The following OPCML variants were observed in gnomAD, a reference collection of about 807,000 sequenced individuals.
OPCML encodes opioid-binding protein/cell adhesion molecule.
OPCML carries 13 observed loss-of-function variants against 37.8 expected under a neutral mutation model. The observed-to-expected ratio is 0.34, with a 90% confidence interval of 0.22 to 0.55. The LOEUF (loss-of-function observed/expected upper bound fraction) is 0.55, where lower values mean the gene tolerates loss of function less well. Ranked by LOEUF, OPCML falls within the 20% of genes least tolerant of loss-of-function variation. OPCML has a pLI of 0.91. For missense variants in OPCML, 341 were observed against 435.6 expected (o/e 0.78, Z 1.93); for synonymous variants, 176 against 168.8 (o/e 1.04, Z -0.33).
intron 2 of OPCML, among the ~76,000 whole-genome samples, chr11:132,773,874 A>G (rs916630894): frequency 2.0e-5 from 3 of 152,168 alleles, no homozygotes; most frequent in Non-Finnish European, 4.4e-5. Context: ...CATACTTAGA[A>G]ACAACTCTAT....
chr11:132,778,656 C>G (rs932761146), intron 2 of OPCML, among the ~76,000 whole-genome samples: 3 of 152,032 alleles, frequency 2.0e-5, no homozygotes, highest in Non-Finnish European at 2.9e-5. Flanking sequence ...AATTTTCTCT[C>G]TAGGACACCA....
At chr11:132,649,135 CGTGA>C (rs1221373228) in intron 3 of OPCML, among the ~76,000 whole-genome samples, 4 of 151,904 alleles carry the variant, frequency 2.6e-5, no homozygotes, top group Admixed American at 1.3e-4. Context: ...TGTGTGAGTG[CGTGA>C]GTATGTCTGT....
intron 1 of OPCML, among the ~76,000 whole-genome samples, chr11:133,121,257 A>C (rs2137115520): frequency 6.6e-6 from 1 of 152,294 alleles, no homozygotes; most frequent in Non-Finnish European, 1.5e-5. Flanking sequence ...TACCTAGCAA[A>C]CCATAGCATT....
chr11:133,176,291 T>G (rs938681989), intron 1 of OPCML, among the ~76,000 whole-genome samples: 7 of 151,550 alleles, frequency 4.6e-5, no homozygotes, highest in Non-Finnish European at 8.8e-5. Flanking sequence ...CATGAGGTAA[T>G]GAGGCTGCAT....
At chr11:132,908,990 C>T (rs551613637) in intron 2 of OPCML, among the ~76,000 whole-genome samples, 177 of 152,282 alleles carry the variant, frequency 1.2e-3, no homozygotes, top group African/African-American at 3.9e-3. Context: ...CCCGGAAGAG[C>T]GTCGCTCAGG....
chr11:133,527,096 C>T (rs1948506217), intron 1 of OPCML, among the ~76,000 whole-genome samples: 7 of 152,246 alleles, frequency 4.6e-5, no homozygotes, highest in Admixed American at 4.6e-4. Context: ...GCAAACAGGG[C>T]TGCAGGCTGA....
At chr11:132,524,741 G>A (rs533671861) in intron 4 of OPCML, among the ~76,000 whole-genome samples, 1 of 152,292 alleles carries the variant, frequency 6.6e-6, no homozygotes, top group Non-Finnish European at 1.5e-5. Context: ...GGAGATGAGA[G>A]GTCGACAGGG....
intron 1 of OPCML, among the ~76,000 whole-genome samples, chr11:133,082,397 C>G (rs1367502252): frequency 7.3e-6 from 1 of 137,928 alleles, no homozygotes; most frequent in Non-Finnish European, 1.6e-5. Flanking sequence ...TTCCCCTCCC[C>G]CGCACCCCTC....
chr11:133,472,151 C>T (rs374247328), intron 1 of OPCML, among the ~76,000 whole-genome samples: 82 of 152,102 alleles, frequency 5.4e-4, no homozygotes, highest in African/African-American at 1.9e-3. Flanking sequence ...AGATGAAGCT[C>T]TTTTAGTTGC....
At chr11:133,082,609 T>TCCCCTCCTCTCCTCCTCA (rs1241288797) in intron 1 of OPCML, among the ~76,000 whole-genome samples, 1 of 52,376 alleles carries the variant, frequency 1.9e-5, no homozygotes, top group Non-Finnish European at 3.9e-5. Context: ...CCATCCCCCT[T>TCCCCTCCTCTCCTCCTCA]TCCCCTCTTA....
chr11:133,039,669 G>A (rs966990677), intron 1 of OPCML, among the ~76,000 whole-genome samples: 7 of 152,140 alleles, frequency 4.6e-5, no homozygotes, highest in Admixed American at 1.3e-4. Context: ...CAGCCAAAAC[G>A]TCCTTCTTGG....
chr11:133,189,236 A>G (rs1938209812), intron 1 of OPCML, among the ~76,000 whole-genome samples: 1 of 152,216 alleles, frequency 6.6e-6, no homozygotes, highest in African/African-American at 2.4e-5. Context: ...AACCTGGATA[A>G]AGAAATAAAA....
Position 132,662,749 on chromosome 11 carries a change from C to T in OPCML, c.147-5430G>A, listed in dbSNP as rs555101670. On this transcript the variant is annotated intron_variant, in intron 2 of 7. Transcript: ENST00000524381. ...ATGTTTATAACTCTAAAGTTGGGTG[C>T]AATAAGATGCATGTCCGAAAATTGT... is the stretch of plus-strand genomic sequence containing the variant. Among the ~76,000 whole-genome samples, 3 of 152,294 alleles carry T rather than the reference C, an allele frequency of 2.0e-5. No homozygotes were observed. The South Asian group carries it at 6.2e-4, about 32-fold the overall frequency.
At chr11:133,123,492 AG>A (rs1949451721) in intron 1 of OPCML, among the ~76,000 whole-genome samples, 1 of 152,164 alleles carries the variant, frequency 6.6e-6, no homozygotes, top group Admixed American at 6.5e-5. Flanking sequence ...GATTTAAACA[AG>A]GGATGTGCCT....
chr11:132,689,062 C>T (rs1320430050), intron 2 of OPCML, among the ~76,000 whole-genome samples: 3 of 151,924 alleles, frequency 2.0e-5, no homozygotes, highest in Non-Finnish European at 4.4e-5. Context: ...AGCCCCTGAG[C>T]TGCCTGCCCT....
At chr11:132,964,509 CT>C (rs1388467514) in intron 1 of OPCML, among the ~76,000 whole-genome samples, 1 of 152,140 alleles carries the variant, frequency 6.6e-6, no homozygotes, top group Non-Finnish European at 1.5e-5. Flanking sequence ...GATAACAGCC[CT>C]ACTTGGCTAG....
intron 1 of OPCML, among the ~76,000 whole-genome samples, chr11:133,033,733 G>A (rs983069066): frequency 6.6e-6 from 1 of 152,168 alleles, no homozygotes; most frequent in Non-Finnish European, 1.5e-5. Flanking sequence ...GGAACACTGA[G>A]GCTAAAGTTT....
intron 2 of OPCML, among the ~76,000 whole-genome samples, chr11:132,897,009 C>T (rs1001068860): frequency 6.6e-6 from 1 of 152,176 alleles, no homozygotes; most frequent in African/African-American, 2.4e-5. Context: ...TACTCTGGCC[C>T]ATTTGTTGAG....
intron 1 of OPCML, among the ~76,000 whole-genome samples, chr11:133,530,575 G>C (rs1948584954): frequency 1.3e-5 from 2 of 152,218 alleles, no homozygotes; most frequent in Admixed American, 1.3e-4. Context: ...ACCAGGCTCA[G>C]GCAGGTACTG....
Sources: gnomAD v4.1 joint callset for allele counts (sites outside exome capture counted in the v4.1 genomes callset) on GRCh38, gnomAD v4.1.1 for gene constraint, MANE v1.5 for transcripts, NCBI Gene and HGNC (gene_info 2026-07-23, HGNC 2026-07-21) for gene names.